The following LYSET variants were observed in gnomAD, a reference collection of about 807,000 sequenced individuals.
LYSET encodes GNPTAB cleavage and activity factor.
the LYSET span, chr14:93,185,585 T>TTGACAG: frequency 9.9e-7 from 1 of 1,006,464 alleles, no homozygotes; most frequent in Non-Finnish European, 1.5e-6. Flanking sequence ...GTGTTTCACC[T>TTGACAG]GTCAAAGTGA....
At chr14:93,185,821 TTTAA>T in the LYSET span, among the ~76,000 whole-genome samples, 1 of 145,206 alleles carries the variant, frequency 6.9e-6, no homozygotes, top group South Asian at 2.1e-4. Context: ...AGGTGTTTAA[TTTAA>T]TTATTTTAAA....
chr14:93,187,619 A>T, the LYSET span, among the ~76,000 whole-genome samples: 1 of 150,648 alleles, frequency 6.6e-6, no homozygotes, highest in Non-Finnish European at 1.5e-5. Context: ...CAGGTTATTT[A>T]TTATTTATTT....
the LYSET span, chr14:93,186,181 A>G: frequency 1.4e-6 from 2 of 1,409,912 alleles, no homozygotes; most frequent in South Asian, 2.7e-5. Context: ...GAATTCTTGG[A>G]GATAAAGCAA....
chr14:93,185,252 G>T, the LYSET span: 2 of 565,738 alleles, frequency 3.5e-6, no homozygotes, highest in South Asian at 2.5e-5. Context: ...CTCAGAGCGG[G>T]TCTCCGGCGG....
the LYSET span, among the ~76,000 whole-genome samples, chr14:93,187,440 A>AT: frequency 3.3e-5 from 5 of 150,472 alleles, no homozygotes; most frequent in Admixed American, 6.7e-5. Flanking sequence ...AATTAAAAAA[A>AT]TTTTTTTTTT....
the LYSET span, among the ~76,000 whole-genome samples, chr14:93,185,867 T>TC: frequency 1.2e-5 from 1 of 85,032 alleles, no homozygotes; most frequent in Non-Finnish European, 2.3e-5. Flanking sequence ...ATTTTAGAAT[T>TC]CTTTTTTTTT....
At chr14:93,186,235 T>C in the LYSET span, 1 of 1,582,242 alleles carries the variant, frequency 6.3e-7, no homozygotes. Context: ...TAGACCCTAA[T>C]TGTATTTTCT....
At chr14:93,186,520 T>C in the LYSET span, 1 of 1,614,264 alleles carries the variant, frequency 6.2e-7, no homozygotes, top group East Asian at 2.2e-5. Context: ...TACTTACAGA[T>C]GTTTTTGTTC....
At chr14:93,185,320 A>G in the LYSET span, 2 of 1,327,964 alleles carry the variant, frequency 1.5e-6, no homozygotes, top group Admixed American at 1.7e-5. Flanking sequence ...CTTAATCACT[A>G]GTAGCTGGTG....
chr14:93,185,237 A>G, the LYSET span: 12 of 439,680 alleles, frequency 2.7e-5, no homozygotes, highest in Admixed American at 4.5e-4. Context: ...CTGCCGGGTC[A>G]GGTTCTCAGA....
At chr14:93,185,047 C>G in the LYSET span, 1 of 150,640 alleles carries the variant, frequency 6.6e-6, no homozygotes, top group African/African-American at 2.4e-5. Context: ...GATCCGGGAC[C>G]TCAGCTTTGC....
chr14:93,187,655 G>A, the LYSET span, among the ~76,000 whole-genome samples: 1 of 151,884 alleles, frequency 6.6e-6, no homozygotes, highest in African/African-American at 2.4e-5. Context: ...TTTTTGAGAC[G>A]GAGCCTTGCT....
the LYSET span, chr14:93,186,396 C>T: frequency 6.2e-7 from 1 of 1,614,112 alleles, no homozygotes; most frequent in Non-Finnish European, 8.5e-7. Flanking sequence ...GGCCTTGGAA[C>T]ACATTCAACA....
At chr14:93,185,533 C>T in the LYSET span, 50 of 1,503,402 alleles carry the variant, frequency 3.3e-5, no homozygotes, top group Admixed American at 8.5e-4. Flanking sequence ...TGACTTGTAG[C>T]ACCCCGCGTT....
At chr14:93,185,046 C>G in the LYSET span, 2 of 150,566 alleles carry the variant, frequency 1.3e-5, no homozygotes, top group African/African-American at 4.9e-5. Context: ...AGATCCGGGA[C>G]CTCAGCTTTG....
the LYSET span, chr14:93,186,819 C>T: frequency 1.0e-4 from 83 of 809,928 alleles, 2 homozygotes; most frequent in South Asian, 1.9e-3. Flanking sequence ...CTATCTTTAT[C>T]TGAATAATAA....
At chr14:93,186,604 G>T in the LYSET span, 2 of 1,613,962 alleles carry the variant, frequency 1.2e-6, no homozygotes, top group Non-Finnish European at 1.7e-6. Context: ...GCAGTTATTT[G>T]CAATCGCCAC....
the LYSET span, chr14:93,186,327 T>TGCAG: frequency 6.2e-7 from 1 of 1,614,232 alleles, no homozygotes; most frequent in Non-Finnish European, 8.5e-7. Flanking sequence ...ATTGTATCTG[T>TGCAG]TAGCCAGTGC....
Sources: allele counts gnomAD v4.1 joint callset (sites outside exome capture counted in the v4.1 genomes callset), GRCh38; gene constraint gnomAD v4.1.1; transcripts MANE v1.5; gene names NCBI Gene and HGNC (gene_info 2026-07-23, HGNC 2026-07-21).